The following FGGY variants were observed in gnomAD, a reference collection of about 807,000 sequenced individuals.
FGGY encodes the protein FGGY carbohydrate kinase domain-containing protein.
Under a neutral mutation model 71.3 loss-of-function variants are expected in FGGY, and 72 were observed. That is an observed-to-expected ratio of 1.01 (90% CI 0.84 to 1.23). The LOEUF (loss-of-function observed/expected upper bound fraction) is 1.23. Ranked by LOEUF, FGGY falls within the 50% of genes most tolerant of loss-of-function variation. The probability of loss-of-function intolerance (pLI) is 0.00; values close to 1 mark genes in which losing one functional copy is unlikely to be tolerated. For missense variants in FGGY, 668 were observed against 682.3 expected, an observed-to-expected ratio of 0.98 and a Z score of 0.23; for synonymous variants, 251 against 250.3, an observed-to-expected ratio of 1.00 and a Z score of -0.02.
chr1:59,476,116 C>T (rs2093254140), intron 6 of FGGY, among the ~76,000 whole-genome samples: 1 of 152,188 alleles, frequency 6.6e-6, no homozygotes, highest in Non-Finnish European at 1.5e-5. Flanking sequence ...TGGCCCTTCT[C>T]AAAATATTCA....
At chr1:59,304,990 A>G (rs558469158) in intron 1 of FGGY, among the ~76,000 whole-genome samples, 5 of 152,270 alleles carry the variant, frequency 3.3e-5, no homozygotes, top group South Asian at 2.1e-4. Context: ...TATATATAAT[A>G]TCATGTCATC....
chr1:59,471,656 C>T (rs2092946174), intron 6 of FGGY, among the ~76,000 whole-genome samples: 1 of 152,156 alleles, frequency 6.6e-6, no homozygotes, highest in African/African-American at 2.4e-5. Flanking sequence ...GCCATCCATC[C>T]AGTCATGCAT....
intron 2 of FGGY, among the ~76,000 whole-genome samples, chr1:59,331,426 A>G (rs971760145): frequency 1.3e-5 from 2 of 152,154 alleles, no homozygotes; most frequent in Non-Finnish European, 1.5e-5. Flanking sequence ...CACAAGCTGT[A>G]TTTGTCTTCT....
At chr1:59,394,885 A>T (rs1163964534) in intron 5 of FGGY, among the ~76,000 whole-genome samples, 1 of 152,026 alleles carries the variant, frequency 6.6e-6, no homozygotes, top group African/African-American at 2.4e-5. Flanking sequence ...TTTCAGCCAC[A>T]TCAGACATCT....
chr1:59,374,091 G>T (rs2058213934), intron 4 of FGGY, among the ~76,000 whole-genome samples: 1 of 152,128 alleles, frequency 6.6e-6, no homozygotes, highest in Non-Finnish European at 1.5e-5. Context: ...CACAGCAAAA[G>T]AAACTACCAT....
chr1:59,630,669 A>C (rs2096900153), intron 10 of FGGY, among the ~76,000 whole-genome samples: 1 of 152,220 alleles, frequency 6.6e-6, no homozygotes, highest in Non-Finnish European at 1.5e-5. Context: ...ACTTTCTTCT[A>C]TAGATAAACT....
intron 2 of FGGY, among the ~76,000 whole-genome samples, chr1:59,337,207 T>C (rs1251257218): frequency 1.3e-5 from 2 of 151,938 alleles, no homozygotes; most frequent in East Asian, 3.9e-4. Flanking sequence ...AAGCCGACAA[T>C]GCAGTCCTGA....
intron 5 of FGGY, among the ~76,000 whole-genome samples, chr1:59,450,994 ATTC>A (rs1202717784): frequency 2.0e-5 from 3 of 152,258 alleles, no homozygotes; most frequent in Middle Eastern, 6.8e-3. Context: ...TGGTTGTGGA[ATTC>A]AGCCCATTCA....
At chr1:59,476,098 G>C (rs992073114) in intron 6 of FGGY, among the ~76,000 whole-genome samples, 1 of 152,098 alleles carries the variant, frequency 6.6e-6, no homozygotes, top group Non-Finnish European at 1.5e-5. Context: ...TCTGCCTTCT[G>C]TCTGGCATGG....
intron 2 of FGGY, among the ~76,000 whole-genome samples, chr1:59,327,162 C>T (rs909798699): frequency 6.6e-6 from 1 of 152,100 alleles, no homozygotes; most frequent in Non-Finnish European, 1.5e-5. Flanking sequence ...CTGATTGACT[C>T]TTTCTTTCAC....
At chr1:59,540,842 G>T (rs1308607846) in intron 7 of FGGY, among the ~76,000 whole-genome samples, 1 of 152,112 alleles carries the variant, frequency 6.6e-6, no homozygotes, top group African/African-American at 2.4e-5. Context: ...AAGTCAGGGT[G>T]TGTCACTTTA....
At chr1:59,534,434 C>G (rs1159187462) in intron 7 of FGGY, among the ~76,000 whole-genome samples, 1 of 152,134 alleles carries the variant, frequency 6.6e-6, no homozygotes, top group Non-Finnish European at 1.5e-5. Flanking sequence ...AGAACTCCCC[C>G]AATCTAGCAA....
intron 15 of FGGY, among the ~76,000 whole-genome samples, chr1:59,758,356 T>C (rs1205024619): frequency 6.6e-6 from 1 of 152,238 alleles, no homozygotes; most frequent in Non-Finnish European, 1.5e-5. Flanking sequence ...CATCAAAGGC[T>C]AAAAAATGAC....
chr1:59,514,265 G>T (rs886383281), intron 7 of FGGY, among the ~76,000 whole-genome samples: 2 of 152,134 alleles, frequency 1.3e-5, no homozygotes, highest in Non-Finnish European at 2.9e-5. Context: ...CCCTACCTGG[G>T]TGACAATCAC....
chr1:59,517,251 G>C (rs1168886688), intron 7 of FGGY, among the ~76,000 whole-genome samples: 1 of 135,068 alleles, frequency 7.4e-6, no homozygotes, highest in African/African-American at 2.9e-5. Flanking sequence ...CTTCTCAGTT[G>C]CTCTTTTTTT....
intron 9 of FGGY, among the ~76,000 whole-genome samples, chr1:59,625,636 G>A (rs1247830435): frequency 6.6e-6 from 1 of 152,094 alleles, no homozygotes; most frequent in African/African-American, 2.4e-5. Flanking sequence ...ATCCAGAAAA[G>A]GTTGGTGCTT....
rs140912766 is a variant in FGGY at position 59,486,170 on chromosome 1, A to T, written c.671-26141A>T. Among the ~76,000 whole-genome samples, 587 of 152,306 alleles carry T rather than the reference A, an allele frequency of 3.9e-3. 7 individuals carry two copies. The highest frequency in any genetic ancestry group is 0.014 in the African/African-American group (561 of 41,554). On this transcript the variant is annotated intron_variant, in intron 6 of 15. Transcript: ENST00000303721. The stretch of plus-strand genomic sequence containing the variant: ...TGCCAGACACACAGATGTGTGAATG[A>T]CAGCGCACCCAGAGGGAGACCATGC...
intron 5 of FGGY, among the ~76,000 whole-genome samples, chr1:59,384,205 A>G (rs2059816340): frequency 6.6e-6 from 1 of 152,102 alleles, no homozygotes; most frequent in Admixed American, 6.6e-5. Flanking sequence ...TTTCATTAGT[A>G]TAAATTAATC....
chr1:59,683,808 A>T (rs527988013), intron 14 of FGGY, among the ~76,000 whole-genome samples: 11 of 152,380 alleles, frequency 7.2e-5, no homozygotes, highest in African/African-American at 2.4e-4. Context: ...AGGGCAAATT[A>T]GTAATTAAGT....
Sources: allele counts gnomAD v4.1 joint callset (sites outside exome capture counted in the v4.1 genomes callset), GRCh38; gene constraint gnomAD v4.1.1; transcripts MANE v1.5; gene names NCBI Gene and HGNC (gene_info 2026-07-23, HGNC 2026-07-21).